The following RTL4 variants were observed in gnomAD, a reference collection of about 807,000 sequenced individuals.
The protein encoded by RTL4 is retrotransposon Gag like 4.
RTL4 carries 4 observed loss-of-function variants against 5.3 expected under a neutral mutation model. The observed-to-expected ratio is 0.75, with a 90% CI of 0.37 to 1.72. The LOEUF is 1.72. Ranked by LOEUF, RTL4 falls within the 40% of genes most tolerant of loss-of-function variation. The pLI is 0.04. For synonymous variants in RTL4, 98 were observed against 87.3 expected, an observed-to-expected ratio of 1.12 and a Z score of -0.68; for missense variants, 260 against 227.1, an observed-to-expected ratio of 1.14 and a Z score of -0.93.
chrX:112,122,980 A>G, the RTL4 span, among the ~76,000 whole-genome samples: 1 of 111,645 alleles, frequency 9.0e-6, no homozygotes, highest in African/African-American at 3.2e-5. Context: ...AAGTCAGTAT[A>G]TTTTTCTTTC....
chrX:112,150,224 A>G, the RTL4 span, among the ~76,000 whole-genome samples: 2 of 111,791 alleles, frequency 1.8e-5, no homozygotes, highest in African/African-American at 3.3e-5. Flanking sequence ...ATCTGCTGAA[A>G]TAAATGATGG....
chrX:112,437,802 A>ATGG, the RTL4 span, among the ~76,000 whole-genome samples: 5,421 of 76,815 alleles, frequency 0.071, 318 homozygotes, highest in East Asian at 0.11. Context: ...GGTGGTGGTG[A>ATGG]TGGTGGTGGT....
chrX:112,098,529 G>T, the RTL4 span, among the ~76,000 whole-genome samples: 1 of 111,454 alleles, frequency 9.0e-6, no homozygotes, highest in Non-Finnish European at 1.9e-5. Flanking sequence ...CCTGAGGAAT[G>T]ACCACACCGA....
the RTL4 span, among the ~76,000 whole-genome samples, chrX:112,348,273 T>G: frequency 9.1e-6 from 1 of 110,376 alleles, no homozygotes; most frequent in Admixed American, 9.7e-5. Context: ...TCTCAACCAA[T>G]TCCTTTAGCA....
the RTL4 span, among the ~76,000 whole-genome samples, chrX:112,229,042 GA>G: frequency 8.9e-6 from 1 of 111,934 alleles, no homozygotes; most frequent in African/African-American, 3.3e-5. Context: ...CCCCTCTAGG[GA>G]AAAAATAACT....
the RTL4 span, among the ~76,000 whole-genome samples, chrX:112,328,800 C>CA: frequency 8.9e-6 from 1 of 111,960 alleles, no homozygotes; most frequent in Admixed American, 9.5e-5. Context: ...GAAATTATAA[C>CA]AAACTATCTC....
chrX:112,404,093 GCC>G, the RTL4 span, among the ~76,000 whole-genome samples: 43 of 111,096 alleles, frequency 3.9e-4, 2 homozygotes, highest in East Asian at 8.5e-3. Flanking sequence ...TGGCACTGAG[GCC>G]AAGTGTAGTT....
the RTL4 span, among the ~76,000 whole-genome samples, chrX:112,367,352 C>T: frequency 1.8e-5 from 2 of 111,410 alleles, no homozygotes; most frequent in Non-Finnish European, 3.8e-5. Context: ...TTCAACTGTT[C>T]TAGACTTTTG....
the RTL4 span, among the ~76,000 whole-genome samples, chrX:112,152,903 C>T: frequency 1.8e-5 from 2 of 111,501 alleles, no homozygotes; most frequent in East Asian, 5.6e-4. Flanking sequence ...TCATGTCCCT[C>T]ATATCTCCAT....
At chrX:112,294,105 C>T in the RTL4 span, among the ~76,000 whole-genome samples, 1 of 111,706 alleles carries the variant, frequency 9.0e-6, no homozygotes, top group Admixed American at 9.5e-5. Context: ...TTCTCTTCCC[C>T]AAAGAAACAC....
At chrX:112,238,788 TC>T in the RTL4 span, among the ~76,000 whole-genome samples, 1 of 111,225 alleles carries the variant, frequency 9.0e-6, no homozygotes, top group Non-Finnish European at 1.9e-5. Flanking sequence ...GAAAAGCCTG[TC>T]CCCACTAGCT....
the RTL4 span, among the ~76,000 whole-genome samples, chrX:112,099,984 C>T: frequency 9.0e-6 from 1 of 111,661 alleles, no homozygotes; most frequent in Admixed American, 9.5e-5. Context: ...TAGACATTAA[C>T]CAAAATGAAG....
chrX:112,347,238 T>C, the RTL4 span, among the ~76,000 whole-genome samples: 1 of 111,699 alleles, frequency 9.0e-6, no homozygotes, highest in Admixed American at 9.6e-5. Flanking sequence ...TCAACAATTT[T>C]TTTTTCTTCT....
the RTL4 span, among the ~76,000 whole-genome samples, chrX:112,172,878 CATT>C: frequency 2.7e-5 from 3 of 110,439 alleles, no homozygotes; most frequent in Non-Finnish European, 5.7e-5. Flanking sequence ...AGCTGGAAGC[CATT>C]ATCCTCAGCA....
the RTL4 span, among the ~76,000 whole-genome samples, chrX:112,259,936 C>A: frequency 6.3e-5 from 7 of 111,781 alleles, no homozygotes; most frequent in Middle Eastern, 4.6e-3. Flanking sequence ...AGGTGAACAG[C>A]TTTGGATTAT....
the RTL4 span, among the ~76,000 whole-genome samples, chrX:112,179,308 G>A: frequency 9.0e-6 from 1 of 110,722 alleles, no homozygotes. Flanking sequence ...CATATGTTAA[G>A]GGCAAAACCA....
At chrX:112,087,496 G>A in the RTL4 span, among the ~76,000 whole-genome samples, 3 of 111,148 alleles carry the variant, frequency 2.7e-5, no homozygotes, top group South Asian at 1.2e-3. Context: ...GAGGCTGGGA[G>A]TAGGGCCAAG....
At chrX:112,255,581 T>C in the RTL4 span, among the ~76,000 whole-genome samples, 1 of 111,640 alleles carries the variant, frequency 9.0e-6, no homozygotes, top group African/African-American at 3.3e-5. Context: ...GCAGTAAATA[T>C]TATTTTCATT....
the RTL4 span, among the ~76,000 whole-genome samples, chrX:112,159,998 T>C: frequency 9.0e-6 from 1 of 111,720 alleles, no homozygotes. Flanking sequence ...CATCTACCTC[T>C]TAAAGCCTAA....
Sources: gnomAD v4.1 joint callset for allele counts (sites outside exome capture counted in the v4.1 genomes callset) on GRCh38, gnomAD v4.1.1 for gene constraint, MANE v1.5 for transcripts, NCBI Gene and HGNC (gene_info 2026-07-23, HGNC 2026-07-21) for gene names.